The following CALN1 variants were observed in gnomAD, a reference collection of about 807,000 sequenced individuals.
CALN1 encodes calneuron 1.
Under a neutral mutation model 30.6 loss-of-function variants are expected in CALN1, and 17 were observed. That is an observed-to-expected ratio of 0.56 (90% confidence interval 0.38 to 0.83). The LOEUF (loss-of-function observed/expected upper bound fraction) is 0.83, where lower values mean the gene tolerates loss of function less well. CALN1 is among the 40% of genes least tolerant of loss of function. The probability of loss-of-function intolerance (pLI) is 0.00; values close to 1 mark genes in which losing one functional copy is unlikely to be tolerated. For synonymous variants in CALN1, 156 were observed against 131.4 expected (o/e 1.19, Z -1.28); for missense variants, 291 against 354.9 (o/e 0.82, Z 1.45).
intron 2 of CALN1, among the ~76,000 whole-genome samples, chr7:72,312,676 A>G (rs1283324302): frequency 6.6e-6 from 1 of 152,172 alleles, no homozygotes; most frequent in African/African-American, 2.4e-5. Flanking sequence ...AAAGAAGGAC[A>G]ATGGCATCAT....
At chr7:72,352,266 G>A (rs1027477085) in intron 2 of CALN1, among the ~76,000 whole-genome samples, 6 of 151,910 alleles carry the variant, frequency 3.9e-5, no homozygotes, top group African/African-American at 9.7e-5. Context: ...GCACATGCCT[G>A]TAGTCCCAGC....
In CALN1 at chr7:72,374,240, T is replaced by A. The variant is rs1431353392; in HGVS notation, c.119+29011A>T. 2.6e-5 allele frequency among the ~76,000 whole-genome samples: 4 copies of A among 152,196 alleles called. No individual in the cohort carries two copies. The East Asian group carries it at 7.7e-4, about 29-fold the overall frequency. On this transcript the variant is annotated intron_variant, in intron 2 of 6. Coordinates refer to ENST00000395275, the MANE Select transcript of CALN1 (RefSeq NM_031468.4). ...AATAGACTATTCTTCTATTGAAATG[T>A]TTAGCAGGCTGGGTGCAGTGGCTCA...
Position 71,854,069 on chromosome 7 carries a change from T to C in CALN1, c.502-43577A>G, listed in dbSNP as rs1051812153. 2.0e-5 allele frequency among the ~76,000 whole-genome samples: 3 copies of C among 151,886 alleles called. No individual in the cohort carries two copies. In the East Asian group the frequency reaches 5.8e-4, roughly 29 times the overall value. ...AATTTGTGTGTGTGTGTGTGTAGGG[T>C]TTGAGGTAGAGGCCAAATAGATGGT... On this transcript the variant is annotated intron_variant, in intron 5 of 6. Transcript: ENST00000395275.
At chr7:71,955,507 G>C (rs1562933661) in intron 5 of CALN1, among the ~76,000 whole-genome samples, 1 of 152,120 alleles carries the variant, frequency 6.6e-6, no homozygotes, top group African/African-American at 2.4e-5. Context: ...AAGAATCAGT[G>C]AATTTAGAGA....
At chr7:72,454,843 T>A in the CALN1 span, among the ~76,000 whole-genome samples, 1 of 151,942 alleles carries the variant, frequency 6.6e-6, no homozygotes, top group Admixed American at 6.6e-5. Context: ...CTCTTTTTTT[T>A]TTTTTGAGAT....
chr7:72,348,257 A>G (rs1802745834), intron 2 of CALN1, among the ~76,000 whole-genome samples: 1 of 152,224 alleles, frequency 6.6e-6, no homozygotes, highest in African/African-American at 2.4e-5. Flanking sequence ...TGGACAGCAG[A>G]TAGTACAGGG....
intron 4 of CALN1, among the ~76,000 whole-genome samples, chr7:72,032,410 T>G (rs1244056222): frequency 6.6e-6 from 1 of 152,032 alleles, no homozygotes; most frequent in Non-Finnish European, 1.5e-5. Flanking sequence ...AGGCTAGTCT[T>G]GAACTCCTGG....
At chr7:72,284,826 G>A in intron 2 of CALN1, among the ~76,000 whole-genome samples, 1 of 151,730 alleles carries the variant, frequency 6.6e-6, no homozygotes, top group Non-Finnish European at 1.5e-5. Flanking sequence ...ATTAAGGATA[G>A]ATAGATAGAT....
chr7:72,022,245 A>G (rs1584762930), intron 5 of CALN1, among the ~76,000 whole-genome samples: 1 of 152,290 alleles, frequency 6.6e-6, no homozygotes, highest in Middle Eastern at 3.4e-3. Context: ...ACAAATAGTT[A>G]TTGAGGGCTT....
At chr7:72,244,748 A>G (rs1380166894) in intron 3 of CALN1, among the ~76,000 whole-genome samples, 2 of 152,014 alleles carry the variant, frequency 1.3e-5, no homozygotes. Context: ...AGTAGCTTGC[A>G]GGCAGAAAAA....
intron 4 of CALN1, among the ~76,000 whole-genome samples, chr7:72,100,514 C>T (rs1429786364): frequency 1.3e-5 from 2 of 151,980 alleles, no homozygotes; most frequent in East Asian, 1.9e-4. Context: ...ATAACTCTCC[C>T]ACAATTATAA....
chr7:72,389,678 G>T (rs1264682996), intron 2 of CALN1, among the ~76,000 whole-genome samples: 1 of 152,202 alleles, frequency 6.6e-6, no homozygotes, highest in African/African-American at 2.4e-5. Context: ...CCAACACTTT[G>T]GGAGGCTGAG....
chr7:72,001,775 C>T (rs1329464907), intron 5 of CALN1, among the ~76,000 whole-genome samples: 1 of 152,190 alleles, frequency 6.6e-6, no homozygotes, highest in Non-Finnish European at 1.5e-5. Context: ...ATTGTGGTTG[C>T]TGCAGACCCA....
intron 4 of CALN1, among the ~76,000 whole-genome samples, chr7:72,089,690 A>T (rs1805723262): frequency 6.6e-6 from 1 of 152,206 alleles, no homozygotes. Flanking sequence ...GGCAAAAATC[A>T]ACAGGACTCA....
At chr7:72,075,525 C>G (rs1804670814) in intron 4 of CALN1, among the ~76,000 whole-genome samples, 1 of 152,218 alleles carries the variant, frequency 6.6e-6, no homozygotes, top group Non-Finnish European at 1.5e-5. Flanking sequence ...GTGCCTTACT[C>G]TACAGCCTAC....
At chr7:72,332,131 T>C (rs559323937) in intron 2 of CALN1, among the ~76,000 whole-genome samples, 158 of 152,256 alleles carry the variant, frequency 1.0e-3, no homozygotes, top group Middle Eastern at 0.01. Context: ...TCCATGTCTT[T>C]GCTATTGTCA....
Position 71,998,121 on chromosome 7 carries a change from A to T in CALN1, c.501+25536T>A, listed in dbSNP as rs1366662901. Among the ~76,000 whole-genome samples, 3 of 152,260 alleles carry T rather than the reference A, an allele frequency of 2.0e-5. No individual in the cohort carries two copies. The East Asian group carries it at 5.8e-4, about 29-fold the overall frequency. ...ATTATAGTCGTCAGCCATGGTGCCC[A>T]GCCCATCTATGAATTTTACATCTGG... On this transcript the variant is annotated intron_variant, in intron 5 of 6. Transcript: ENST00000395275.
intron 3 of CALN1, among the ~76,000 whole-genome samples, chr7:72,273,518 TTTCTTC>T (rs1562823763): frequency 4.2e-5 from 4 of 95,052 alleles, no homozygotes; most frequent in East Asian, 2.4e-3. Context: ...TTTTTTTTTT[TTTCTTC>T]CCCCTAGAGA....
chr7:72,483,279 T>A, the CALN1 span, among the ~76,000 whole-genome samples: 3 of 133,414 alleles, frequency 2.2e-5, no homozygotes, highest in Non-Finnish European at 4.7e-5. Flanking sequence ...TTTTTCTTTT[T>A]CTTTTTTTTT....
Sources: allele counts gnomAD v4.1 joint callset (sites outside exome capture counted in the v4.1 genomes callset), GRCh38; gene constraint gnomAD v4.1.1; transcripts MANE v1.5; gene names NCBI Gene and HGNC (gene_info 2026-07-23, HGNC 2026-07-21).